FAM81B: variants seen among roughly 807,000 people sequenced by gnomAD.
FAM81B encodes the protein protein FAM81B.
FAM81B carries 60 observed loss-of-function variants against 58.7 expected under a neutral mutation model. The observed-to-expected ratio is 1.02, with a 90% CI of 0.83 to 1.27. The LOEUF is 1.27. Among genes scored for constraint, FAM81B ranks in the 50% most tolerant of loss-of-function variants. The probability of loss-of-function intolerance (pLI) is 0.00; values close to 1 mark genes in which losing one functional copy is unlikely to be tolerated. For synonymous variants in FAM81B, 189 were observed against 179.6 expected (o/e 1.05, Z -0.42); for missense variants, 491 against 522.0 (o/e 0.94, Z 0.58).
At chr5:95,395,918 G>A (rs545581165) in intron 2 of FAM81B, among the ~76,000 whole-genome samples, 193 bp from the exon 3 acceptor site, 12 of 152,224 alleles carry the variant, frequency 7.9e-5, no homozygotes. Flanking sequence ...CAGCTCTCTA[G>A]TATCTCCACA....
chr5:95,405,319 G>T (rs566414058), intron 3 of FAM81B, among the ~76,000 whole-genome samples: 1 of 152,302 alleles, frequency 6.6e-6, no homozygotes. Flanking sequence ...TCTCCAAGTT[G>T]TGTGACCATT....
intron 3 of FAM81B, among the ~76,000 whole-genome samples, chr5:95,405,260 T>C (rs1459534950): frequency 6.6e-6 from 1 of 152,216 alleles, no homozygotes; most frequent in African/African-American, 2.4e-5. Context: ...TGGGAGCTAA[T>C]GTTAACATTT....
chr5:95,437,346 T>C (rs115073007), intron 7 of FAM81B, among the ~76,000 whole-genome samples: 2,538 of 152,202 alleles, frequency 0.017, 31 homozygotes, highest in South Asian at 0.038. Flanking sequence ...ATTATTTTAT[T>C]ATTATTATTA....
At chr5:95,446,262 A>G (rs1261519637) in intron 7 of FAM81B, among the ~76,000 whole-genome samples, 1 of 152,192 alleles carries the variant, frequency 6.6e-6, no homozygotes, top group Non-Finnish European at 1.5e-5. Context: ...GGAATTCTGC[A>G]TGGATAACAC....
In FAM81B at chr5:95,425,370, T is replaced by C. The variant is rs532776781; in HGVS notation, c.657-3233T>C. 1.2e-4 allele frequency among the ~76,000 whole-genome samples: 18 copies of C among 152,186 alleles called. No homozygotes were observed. The South Asian group carries it at 3.7e-3, about 32-fold the overall frequency. The stretch of plus-strand genomic sequence containing the variant: ...ATCCAGGTAGACAAAGCAAGTCTCA[T>C]AAAAAAGGAAAGAAATGTCATCACC... On this transcript the variant is annotated intron_variant, in intron 5 of 9. Transcript: ENST00000283357.
intron 5 of FAM81B, among the ~76,000 whole-genome samples, chr5:95,425,324 A>C (rs975869770): frequency 6.6e-6 from 1 of 152,192 alleles, no homozygotes; most frequent in Admixed American, 6.5e-5. Context: ...CTGAACAATA[A>C]GGATAAAGAC....
chr5:95,448,575 G>T, intron 9 of FAM81B, 111 bp downstream of exon 9: 1 of 976,110 alleles, frequency 1.0e-6, no homozygotes, highest in Non-Finnish European at 1.5e-6. Context: ...TAGTGACATC[G>T]TTATGTATTT....
intron 4 of FAM81B, among the ~76,000 whole-genome samples, chr5:95,415,692 G>A (rs994805287): frequency 2.0e-5 from 3 of 152,120 alleles, no homozygotes; most frequent in African/African-American, 7.2e-5. Flanking sequence ...CAATTTAGGA[G>A]TCAAAACTTC....
At chr5:95,401,195 G>A (rs571092358) in intron 3 of FAM81B, among the ~76,000 whole-genome samples, 7 of 152,136 alleles carry the variant, frequency 4.6e-5, no homozygotes, top group Non-Finnish European at 1.0e-4. Context: ...TGCTGAACAT[G>A]AGGAGTCTGC....
intron 5 of FAM81B, among the ~76,000 whole-genome samples, chr5:95,425,293 A>G (rs777737165): frequency 3.3e-5 from 5 of 152,178 alleles, no homozygotes; most frequent in Non-Finnish European, 7.4e-5. Flanking sequence ...CAATGAAACC[A>G]AGATATCCTG....
At chr5:95,408,922 T>A (rs1056065655) in intron 3 of FAM81B, among the ~76,000 whole-genome samples, 8 of 152,204 alleles carry the variant, frequency 5.3e-5, no homozygotes, top group African/African-American at 1.7e-4. Flanking sequence ...AATTATGTTA[T>A]CCCAAACAGT....
chr5:95,406,577 C>T (rs944776651), intron 3 of FAM81B, among the ~76,000 whole-genome samples: 28 of 152,152 alleles, frequency 1.8e-4, no homozygotes, highest in Non-Finnish European at 3.7e-4. Flanking sequence ...CTGAAGTCTG[C>T]CAGCTGGCAG....
rs1171553534 is a variant in FAM81B at position 95,414,025 on chromosome 5, C to A, written c.372C>A (p.Thr124=). The stretch of plus-strand genomic sequence containing the variant: ...ACAGACTGAACAACCAGGCGCGTAC[C>A]ATAGCTTTCCTTCTTGAACAAGCCT... ...LEDRLNNQAR[T]IAFLLEQAFR... The change falls in exon 4 of 10, where the codon ACC becomes ACA. Residue 124 remains threonine, a synonymous_variant. Coordinates refer to ENST00000283357, the MANE Select transcript of FAM81B (RefSeq NM_152548.3). 6.2e-6 allele frequency: 10 copies of A among 1,614,034 alleles called. No individual in the cohort carries two copies. The highest frequency in any genetic ancestry group is 8.5e-6 in the Non-Finnish European group (10 of 1,179,986).
At chr5:95,449,121 G>A (rs1745697553) in intron 9 of FAM81B, among the ~76,000 whole-genome samples, 1 of 152,140 alleles carries the variant, frequency 6.6e-6, no homozygotes, top group Non-Finnish European at 1.5e-5. Context: ...TTCTTTCCTA[G>A]AGAAAGTCCC....
At chr5:95,413,022 C>G (rs752159205) in intron 3 of FAM81B, among the ~76,000 whole-genome samples, 5 of 152,158 alleles carry the variant, frequency 3.3e-5, no homozygotes, top group Non-Finnish European at 5.9e-5. Context: ...TATCGGCAAG[C>G]ATCTTTGGTT....
chr5:95,393,500 T>C (rs1443589075), intron 2 of FAM81B, among the ~76,000 whole-genome samples: 2 of 152,112 alleles, frequency 1.3e-5, no homozygotes, highest in Non-Finnish European at 2.9e-5. Flanking sequence ...GTAAAATGGG[T>C]GAATTAGGCT....
chr5:95,417,010 C>T (rs1415356380), intron 4 of FAM81B, among the ~76,000 whole-genome samples: 3 of 152,128 alleles, frequency 2.0e-5, no homozygotes, highest in African/African-American at 7.2e-5. Context: ...TGCCACTGCA[C>T]TCCAGCCTGG....
Position 95,441,507 on chromosome 5 carries a change from T to G in FAM81B, c.893+4601T>G, listed in dbSNP as rs560146100. Among the ~76,000 whole-genome samples, 25 of 152,076 alleles carry G rather than the reference T, an allele frequency of 1.6e-4. No individual in the cohort carries two copies. The East Asian group carries it at 4.4e-3, about 27-fold the overall frequency. ...TGGCTTGAACCCGGGAGGTGGAGGT[T>G]GCAGTGAGCAGAGATCGTGCCACTC... On this transcript the variant is annotated intron_variant, in intron 7 of 9. Coordinates refer to ENST00000283357, the MANE Select transcript of FAM81B (RefSeq NM_152548.3).
intron 4 of FAM81B, 139 bp from the exon 5 acceptor site, chr5:95,420,145 T>G (rs1445664914): frequency 2.0e-6 from 2 of 977,304 alleles, no homozygotes; most frequent in African/African-American, 3.3e-5. Context: ...ATCACTTCTC[T>G]CTGAGATAGG....
Sources: gnomAD v4.1 joint callset for allele counts (sites outside exome capture counted in the v4.1 genomes callset) on GRCh38, gnomAD v4.1.1 for gene constraint, MANE v1.5 for transcripts, NCBI Gene and HGNC (gene_info 2026-07-23, HGNC 2026-07-21) for gene names.